The following TFAP2E variants were observed in gnomAD, a reference collection of about 807,000 sequenced individuals.
TFAP2E encodes transcription factor AP-2 epsilon, also known as transcription factor AP-2-epsilon.
Under a neutral mutation model 37.9 loss-of-function variants are expected in TFAP2E, and 30 were observed. The observed-to-expected ratio is 0.79, with a 90% confidence interval of 0.59 to 1.07. TFAP2E has a LOEUF of 1.07. Ranked by LOEUF, TFAP2E falls within the 50% of genes least tolerant of loss-of-function variation. The probability of loss-of-function intolerance (pLI) is 0.00; values close to 1 mark genes in which losing one functional copy is unlikely to be tolerated. For synonymous variants in TFAP2E, 318 were observed against 295.8 expected, an observed-to-expected ratio of 1.08 and a Z score of -0.77; for missense variants, 567 against 637.9, an observed-to-expected ratio of 0.89 and a Z score of 1.20.
Position 35,573,764 on chromosome 1 carries a change from C to A in TFAP2E, c.27+160C>A. On this transcript the variant is annotated intron_variant, in intron 1 of 6. Coordinates refer to ENST00000373235, the MANE Select transcript of TFAP2E (RefSeq NM_178548.4). The surrounding 1 kb of genome is among the most constrained non-coding windows in gnomAD (Gnocchi z 5.9). ...GCGATGCGCAAGTGACCGCTGTCCC[C>A]AGCCTGAGGCTCCTGCGCCCGCGGG... The A allele has an allele frequency of 1.5e-6, 2 of 1,375,978 alleles. No individual in the cohort carries two copies. The highest frequency in any genetic ancestry group is 1.9e-6 in the Non-Finnish European group (2 of 1,052,780). The allele number at this position is 1,375,978 out of a possible 1,614,324, so 85.2% of individuals were successfully genotyped here.
chr1:35,574,884 G>A, intron 2 of TFAP2E, 65 bp from the exon 3 acceptor site: 1 of 1,610,498 alleles, frequency 6.2e-7, no homozygotes, highest in South Asian at 1.1e-5. Context: ...GGGTGGCAGG[G>A]GCTTGGGAAG....
chr1:35,591,251 T>C (rs995213367), intron 6 of TFAP2E, among the ~76,000 whole-genome samples: 4 of 152,266 alleles, frequency 2.6e-5, no homozygotes, highest in Admixed American at 6.5e-5. Flanking sequence ...CATGTGAACA[T>C]ATCTGGGCTC....
At position 35,577,019 on chromosome 1, in the gene TFAP2E, ACCCCAGCGCCAGCGGGACCCCAGCGCCAG is replaced by A. The variant is rs1649198008; in HGVS notation, c.562+2021_562+2049del. Among the ~76,000 whole-genome samples, 2 of 46,264 alleles carry A rather than the reference ACCCCAGCGCCAGCGGGACCCCAGCGCCAG, an allele frequency of 4.3e-5. No individual in the cohort carries two copies. The highest frequency in any genetic ancestry group is 1.6e-4 in the African/African-American group (2 of 12,274). The allele number at this position is 46,264 out of a possible 152,430, so 30.4% of individuals were successfully genotyped here. A position where few individuals can be genotyped will look rare whatever the true frequency, so the allele number is the denominator to read the frequency against. On this transcript the variant is annotated intron_variant, in intron 3 of 6. Coordinates refer to ENST00000373235, the MANE Select transcript of TFAP2E (RefSeq NM_178548.4). The surrounding 1 kb of genome is among the most constrained non-coding windows in gnomAD (Gnocchi z 6.3). ...CCAGCGGGACCCCAGCGCCAGCGGG[ACCCCAGCGCCAGCGGGACCCCAGCGCCAG>A]CGGGTCTGTGGCCCAGTGGAGCGAG...
intron 6 of TFAP2E, among the ~76,000 whole-genome samples, chr1:35,592,284 C>CAA (rs111541357): frequency 3.3e-5 from 4 of 122,214 alleles, no homozygotes; most frequent in East Asian, 2.3e-4. Context: ...GACCCCATCT[C>CAA]AAAAAAAAAA....
intron 2 of TFAP2E, chr1:35,574,707 A>C: frequency 1.6e-6 from 1 of 636,986 alleles, no homozygotes; most frequent in Non-Finnish European, 2.7e-6. Context: ...ACCTGGGGCG[A>C]AGAGAAGCAT....
At chr1:35,578,125 G>T (rs1206473543) in intron 3 of TFAP2E, among the ~76,000 whole-genome samples, 2 of 152,104 alleles carry the variant, frequency 1.3e-5, no homozygotes, top group African/African-American at 4.8e-5. Flanking sequence ...GTGCTTAGTG[G>T]GTGTTTGTTG....
chr1:35,589,194 G>GTA (rs1649579973), intron 4 of TFAP2E, among the ~76,000 whole-genome samples: 1 of 86,598 alleles, frequency 1.2e-5, no homozygotes, highest in Non-Finnish European at 1.9e-5. Flanking sequence ...TGCTCTGTGT[G>GTA]TGTGTGTGTG....
At position 35,588,458 on chromosome 1, in the gene TFAP2E, A is replaced by G; in HGVS notation, c.691A>G (p.Thr231Ala). 1.2e-6 allele frequency: 2 copies of G among 1,610,516 alleles called. No individual in the cohort carries two copies. Among genetic ancestry groups the G allele is most frequent in the Non-Finnish European group, 1.7e-6 (2 of 1,179,728 alleles). ...VPGRLSLLSS[T>A]SKYKVTVGEV... ...CGGCCGGCTTTCACTGCTCAGCTCA[A>G]CGTCCAAGTACAAGGTGACGGTGGG... The change falls in exon 4 of 7, where the codon ACG becomes GCG. Residue 231 changes from threonine to alanine, a missense_variant. This residue lies in a region of TFAP2E where 252 missense variants were observed against 302.6 expected (regional missense o/e 0.83). Transcript: ENST00000373235. This position sits in a 1 kb window ranked among gnomAD's most constrained non-coding sequence, Gnocchi z 5.1.
Position 35,594,915 on chromosome 1 carries a change from T to C in TFAP2E, c.*239T>C, listed in dbSNP as rs1649788738. 1 of 583,964 alleles carries C rather than the reference T, an allele frequency of 1.7e-6. No individual in the cohort carries two copies. Among genetic ancestry groups the C allele is most frequent in the Non-Finnish European group, 3.0e-6 (1 of 336,420 alleles). 36.2% of individuals were successfully genotyped at this position (583,964 alleles called of 1,614,324 possible). ...GTCTCATGTGTGCAATTTTCTGACC[T>C]TTGATGGTTGAGAAGGGTTTGGACA... On this transcript the variant is annotated 3_prime_UTR_variant, in exon 7 of 7. Coordinates refer to ENST00000373235, the MANE Select transcript of TFAP2E (RefSeq NM_178548.4).
chr1:35,587,933 C>T (rs1649532073), intron 3 of TFAP2E, among the ~76,000 whole-genome samples: 1 of 152,098 alleles, frequency 6.6e-6, no homozygotes, highest in Non-Finnish European at 1.5e-5. Flanking sequence ...ACGTGGGAAT[C>T]ACGAATGGGA....
chr1:35,577,542 A>G lies in TFAP2E; in HGVS notation c.562+2542A>G, dbSNP rs1295047566. On this transcript the variant is annotated intron_variant, in intron 3 of 6. Coordinates refer to ENST00000373235, the MANE Select transcript of TFAP2E (RefSeq NM_178548.4). This position sits in a 1 kb window ranked among gnomAD's most constrained non-coding sequence, Gnocchi z 6.3. ...TGGCCACCTGAAGCGTCGGATCCCT[A>G]CAGTGCCTCCCAGCCTGGGCGGGAG... The G allele has an allele frequency of 1.2e-5, 5 of 434,198 alleles. No individual in the cohort carries two copies. In the Admixed American group the frequency reaches 1.2e-4, roughly 11 times the overall value. The allele number at this position is 434,198 out of a possible 1,614,324, so 26.9% of individuals were successfully genotyped here.
rs1423943021 is a variant in TFAP2E at position 35,574,230 on chromosome 1, G to A, written c.331G>A (p.Glu111Lys). ...GCCCCGCGCAGCCGCCCGCGCCCAC[G>A]AGGAGCCTCCCGGCCTGCTGGCACC... ...AAPRAAARAH[E>K]EPPGLLAPPA... Residue 111 changes from glutamate to lysine, a missense_variant, in exon 2 of 7, where the codon GAG becomes AAG. Coordinates refer to ENST00000373235, the MANE Select transcript of TFAP2E (RefSeq NM_178548.4). 37 of 1,253,172 alleles carry A rather than the reference G, an allele frequency of 3.0e-5. No homozygotes were observed. Among genetic ancestry groups the A allele is most frequent in the Non-Finnish European group, 3.4e-5 (34 of 995,726 alleles). The allele number at this position is 1,253,172 out of a possible 1,614,324, so 77.6% of individuals were successfully genotyped here. A position where few individuals can be genotyped will look rare whatever the true frequency, so the allele number is the denominator to read the frequency against.
rs149882646 is a variant in TFAP2E, at chr1:35,590,015, G to A, written c.871G>A (p.Ala291Thr). ...CCTGCCAGCTGGCCGTCGCAAGGCC[G>A]CCAATGTGACGCTGCTGACTTCGCT... ...LNLPAGRRKA[A>T]NVTLLTSLVE... The change falls in exon 5 of 7, where the codon GCC becomes ACC. Residue 291 changes from alanine to threonine, a missense_variant. This residue lies in a region of TFAP2E where 252 missense variants were observed against 302.6 expected (regional missense o/e 0.83). Coordinates refer to ENST00000373235, the MANE Select transcript of TFAP2E (RefSeq NM_178548.4). This position sits in a 1 kb window ranked among gnomAD's most constrained non-coding sequence, Gnocchi z 6.2. 1.3e-4 allele frequency: 206 copies of A among 1,614,072 alleles called. No individual in the cohort carries two copies. In the East Asian group the frequency reaches 2.6e-3, roughly 21 times the overall value.
In TFAP2E at chr1:35,588,682, G is replaced by C; in HGVS notation, c.785+130G>C. On this transcript the variant is annotated intron_variant, in intron 4 of 6. Coordinates refer to ENST00000373235, the MANE Select transcript of TFAP2E (RefSeq NM_178548.4). This position sits in a 1 kb window ranked among gnomAD's most constrained non-coding sequence, Gnocchi z 5.1. Reference sequence around the variant, plus strand: ...CAGTCTCCCTGGGAGGGGAGGCCCCGGGGACTCTGGATTGTGCATGTTGTG... The same window carrying C: ...CAGTCTCCCTGGGAGGGGAGGCCCCCGGGACTCTGGATTGTGCATGTTGTG... 4 of 970,414 alleles carry C rather than the reference G, an allele frequency of 4.1e-6. No homozygotes were observed. The highest frequency in any genetic ancestry group is 2.0e-5 in the South Asian group (1 of 49,314). The allele number at this position is 970,414 out of a possible 1,614,324, so 60.1% of individuals were successfully genotyped here.
At chr1:35,592,010 A>C (rs562885285) in intron 6 of TFAP2E, among the ~76,000 whole-genome samples, 1 of 152,114 alleles carries the variant, frequency 6.6e-6, no homozygotes, top group Non-Finnish European at 1.5e-5. Context: ...TTTTCAGGCC[A>C]GGCAAGGTGG....
In TFAP2E at chr1:35,573,483, G is replaced by T. The variant is rs1649068085; in HGVS notation, c.-95G>T. The T allele has an allele frequency of 2.9e-6, 4 of 1,378,896 alleles. No individual in the cohort carries two copies. The highest frequency in any genetic ancestry group is 3.8e-6 in the Non-Finnish European group (4 of 1,066,540). The allele number at this position is 1,378,896 out of a possible 1,614,324, so 85.4% of individuals were successfully genotyped here. On this transcript the variant is annotated 5_prime_UTR_variant, in exon 1 of 7. Coordinates refer to ENST00000373235, the MANE Select transcript of TFAP2E (RefSeq NM_178548.4). This position sits in a 1 kb window ranked among gnomAD's most constrained non-coding sequence, Gnocchi z 5.9. ...CCAGCTACCGCACCGTGACCTCCGC[G>T]GGCTGTGCCGGCTCCCGGCGCCTCT... is the stretch of plus-strand genomic sequence containing the variant.
At position 35,573,647 on chromosome 1, in the gene TFAP2E, G is replaced by C; in HGVS notation, c.27+43G>C. The C allele has an allele frequency of 2.6e-6, 4 of 1,536,140 alleles. No homozygotes were observed. Among genetic ancestry groups the C allele is most frequent in the Non-Finnish European group, 3.5e-6 (4 of 1,141,484 alleles). ...CGGGACATATTCGGCCGGGGGATCG[G>C]GGCGCCTGAGTGCTGGACTTTCCAA... On this transcript the variant is annotated intron_variant, in intron 1 of 6. Transcript: ENST00000373235. The surrounding 1 kb of genome is among the most constrained non-coding windows in gnomAD (Gnocchi z 5.9).
chr1:35,582,485 T>A (rs971670019), intron 3 of TFAP2E, among the ~76,000 whole-genome samples: 1 of 151,674 alleles, frequency 6.6e-6, no homozygotes, highest in African/African-American at 2.4e-5. Context: ...TTTTAATTTT[T>A]TTTTTGCATT....
intron 3 of TFAP2E, among the ~76,000 whole-genome samples, chr1:35,582,173 TG>T (rs1649368358): frequency 6.6e-6 from 1 of 152,154 alleles, no homozygotes; most frequent in African/African-American, 2.4e-5. Flanking sequence ...CCACCGTGCC[TG>T]GCCCCTGTCT....
Sources: gnomAD v4.1 joint callset for allele counts (sites outside exome capture counted in the v4.1 genomes callset) on GRCh38, gnomAD v4.1.1 for gene constraint, gnomAD v4.1.1 regional missense constraint, Gnocchi (gnomAD v3.1) non-coding constraint, MANE v1.5 for transcripts, NCBI Gene and HGNC (gene_info 2026-07-23, HGNC 2026-07-21) for gene names.